Variants in SULT1C3 observed in about 807,000 individuals in gnomAD.
SULT1C3 encodes the protein sulfotransferase family 1C member 3, also known as sulfotransferase 1C3.
In SULT1C3, 31 loss-of-function variants were observed where a neutral mutation model predicts 28.4. That is an observed-to-expected ratio of 1.09 (90% CI 0.82 to 1.47). The LOEUF (loss-of-function observed/expected upper bound fraction) is 1.47. Among genes scored for constraint, SULT1C3 ranks in the 40% most tolerant of loss-of-function variants. SULT1C3 has a pLI of 0.00. For synonymous variants in SULT1C3, 106 were observed against 92.2 expected (o/e 1.15, Z -0.86); for missense variants, 307 against 272.5 (o/e 1.13, Z -0.89).
At chr2:108,245,270 C>T (rs1675548802) in intron 1 of SULT1C3, among the ~76,000 whole-genome samples, 2 of 152,128 alleles carry the variant, frequency 1.3e-5, no homozygotes, top group South Asian at 4.1e-4. Flanking sequence ...CCTTTTATTT[C>T]CCTTTGACCT....
intron 3 of SULT1C3, 25 bp from the exon 4 acceptor site, chr2:108,253,320 A>C (rs1036105351): frequency 3.5e-6 from 5 of 1,447,112 alleles, no homozygotes; most frequent in Admixed American, 4.6e-5. Context: ...AGAATAAACA[A>C]AGAATATAAA....
At chr2:108,255,738 G>GTACCAA in intron 5 of SULT1C3, 40 bp downstream of exon 5, 1 of 1,595,140 alleles carries the variant, frequency 6.3e-7, no homozygotes. Flanking sequence ...TCTTTCAGGT[G>GTACCAA]ACTCTAACAA....
chr2:108,258,234 C>T (rs1467131565), intron 5 of SULT1C3, among the ~76,000 whole-genome samples: 1 of 152,082 alleles, frequency 6.6e-6, no homozygotes, highest in Non-Finnish European at 1.5e-5. Flanking sequence ...CACTCATTCT[C>T]TTACCAACTA....
chr2:108,253,507 T>G (rs1163985187), intron 4 of SULT1C3, 65 bp downstream of exon 4: 1 of 822,616 alleles, frequency 1.2e-6, no homozygotes, highest in Non-Finnish European at 1.8e-6. Flanking sequence ...ACTGAAGATA[T>G]CTTTCAAAAT....
intron 2 of SULT1C3, among the ~76,000 whole-genome samples, chr2:108,250,176 C>T (rs1053642827): frequency 5.9e-5 from 9 of 151,354 alleles, no homozygotes; most frequent in Admixed American, 4.0e-4. Flanking sequence ...AGAAAATATT[C>T]ACAATACATA....
intron 3 of SULT1C3, 33 bp downstream of exon 3, chr2:108,252,526 T>A (rs1257709375): frequency 6.2e-7 from 1 of 1,609,110 alleles, no homozygotes; most frequent in Non-Finnish European, 8.5e-7. Flanking sequence ...GAAAGGACTT[T>A]CACTTCAGGA....
chr2:108,265,174 T>C (rs972992980), downstream of SULT1C3: 10 of 1,516,718 alleles, frequency 6.6e-6, no homozygotes, highest in African/African-American at 1.4e-5. Flanking sequence ...GGTGGGGTCC[T>C]AAGGGTGCAT....
chr2:108,254,770 T>TGCATATATATGTATATATGTATGC (rs1675823524), intron 4 of SULT1C3, among the ~76,000 whole-genome samples: 2 of 150,322 alleles, frequency 1.3e-5, no homozygotes, highest in African/African-American at 2.5e-5. Flanking sequence ...TATATGTATG[T>TGCATATATATGTATATATGTATGC]ATGCATATAT....
chr2:108,264,959 G>T, downstream of SULT1C3: 1 of 1,613,764 alleles, frequency 6.2e-7, no homozygotes, highest in Non-Finnish European at 8.5e-7. Context: ...ATACCACTTT[G>T]CCCACCAGCA....
At chr2:108,265,164 G>T, downstream of SULT1C3, 18 of 1,465,878 alleles carry the variant, frequency 1.2e-5, no homozygotes, top group Non-Finnish European at 1.6e-5. Flanking sequence ...CCTCATTCTT[G>T]GTGGGGTCCT....
At chr2:108,263,153 C>CA (rs1331402203), downstream of SULT1C3, among the ~76,000 whole-genome samples, 1 of 152,144 alleles carries the variant, frequency 6.6e-6, no homozygotes, top group Non-Finnish European at 1.5e-5. Context: ...GGAGTTCCTT[C>CA]AGACCTCCAA....
At chr2:108,248,317 A>C (rs761932815) in intron 2 of SULT1C3, among the ~76,000 whole-genome samples, 1 of 152,140 alleles carries the variant, frequency 6.6e-6, no homozygotes, top group Non-Finnish European at 1.5e-5. Flanking sequence ...TGTGTACTCC[A>C]GCCATAATAA....
Position 108,255,558 on chromosome 2 carries a change from C to T in SULT1C3, c.400-14C>T. 3 of 1,608,590 alleles carry T rather than the reference C, an allele frequency of 1.9e-6. No homozygotes were observed. The highest frequency in any genetic ancestry group is 2.5e-6 in the Non-Finnish European group (3 of 1,177,182). On this transcript the variant is annotated splice_polypyrimidine_tract_variant and intron_variant, in intron 4 of 7. Transcript: ENST00000681802. ...TTTTCTCTCCATGGCTTCCTTCCCT[C>T]TCCTTGATTTCAGATTGTCTATGTG...
chr2:108,255,757 TC>T, intron 5 of SULT1C3, 59 bp downstream of exon 5: 1 of 1,557,888 alleles, frequency 6.4e-7, no homozygotes, highest in East Asian at 2.3e-5. Flanking sequence ...AATAAGCACC[TC>T]TGTAAACTGG....
chr2:108,257,400 T>C (rs1265313855), intron 5 of SULT1C3, among the ~76,000 whole-genome samples: 2 of 152,030 alleles, frequency 1.3e-5, no homozygotes, highest in African/African-American at 2.4e-5. Context: ...CATTTATCTA[T>C]ATGTACATAT....
chr2:108,241,262 G>A (rs747952839), intron 1 of SULT1C3, among the ~76,000 whole-genome samples: 28 of 152,154 alleles, frequency 1.8e-4, no homozygotes, highest in Non-Finnish European at 7.3e-5. Flanking sequence ...TTCCAATTGT[G>A]TCCTGTTGAC....
intron 4 of SULT1C3, among the ~76,000 whole-genome samples, chr2:108,253,882 A>C (rs972020370): frequency 6.6e-6 from 1 of 151,828 alleles, no homozygotes; most frequent in Non-Finnish European, 1.5e-5. Flanking sequence ...CTAAGCTCAA[A>C]CCTGTCCTCA....
chr2:108,258,570 C>T (rs1193510003), intron 5 of SULT1C3, among the ~76,000 whole-genome samples, 164 bp from the exon 6 acceptor site: 1 of 152,138 alleles, frequency 6.6e-6, no homozygotes, highest in African/African-American at 2.4e-5. Context: ...TAAATCTCGG[C>T]TTTACACCAT....
chr2:108,246,074 T>C (rs1675570003), intron 1 of SULT1C3, among the ~76,000 whole-genome samples: 1 of 152,202 alleles, frequency 6.6e-6, no homozygotes, highest in Non-Finnish European at 1.5e-5. Context: ...GAGTGACCTT[T>C]ACTTCAGTTC....
Sources: allele counts gnomAD v4.1 joint callset (sites outside exome capture counted in the v4.1 genomes callset), GRCh38; gene constraint gnomAD v4.1.1; transcripts MANE v1.5; gene names NCBI Gene and HGNC (gene_info 2026-07-23, HGNC 2026-07-21).